POU6F2: variants seen among roughly 807,000 people sequenced by gnomAD.
The protein encoded by POU6F2 is POU domain, class 6, transcription factor 2.
In POU6F2, 31 loss-of-function variants were observed where a neutral mutation model predicts 71.3. The ratio of observed to expected loss-of-function variants is 0.43; its 90% CI spans 0.33 to 0.59. The LOEUF (loss-of-function observed/expected upper bound fraction) is 0.59, where lower values mean the gene tolerates loss of function less well. Among genes scored for constraint, POU6F2 ranks in the 20% least tolerant of loss-of-function variants. The pLI is 0.04. For missense variants in POU6F2, 783 were observed against 856.8 expected (o/e 0.91, Z 1.07); for synonymous variants, 347 against 355.7 (o/e 0.98, Z 0.27).
At chr7:39,347,813 G>C (rs887449446) in intron 5 of POU6F2, among the ~76,000 whole-genome samples, 1 of 141,880 alleles carries the variant, frequency 7.0e-6, no homozygotes, top group African/African-American at 2.5e-5. Context: ...TGTATTTTTT[G>C]TAGAGATGGG....
intron 1 of POU6F2, among the ~76,000 whole-genome samples, chr7:39,022,754 A>C (rs546202703): frequency 1.1e-4 from 16 of 152,002 alleles, no homozygotes; most frequent in African/African-American, 3.9e-4. Context: ...ATGTACATCC[A>C]TTCATCTCTT....
At chr7:39,350,663 T>A (rs979914463) in intron 5 of POU6F2, among the ~76,000 whole-genome samples, 1 of 152,212 alleles carries the variant, frequency 6.6e-6, no homozygotes, top group Non-Finnish European at 1.5e-5. Flanking sequence ...TTAAAGCCAT[T>A]TGACACATCT....
At chr7:39,335,135 C>G (rs556354016) in intron 4 of POU6F2, among the ~76,000 whole-genome samples, 15 of 152,312 alleles carry the variant, frequency 9.8e-5, no homozygotes, top group African/African-American at 3.6e-4. Context: ...TCAAGGTAAA[C>G]TAGTGGTATG....
At chr7:39,339,532 A>G (rs1785862012) in intron 4 of POU6F2, 110 bp from the exon 5 acceptor site, 3 of 1,402,520 alleles carry the variant, frequency 2.1e-6, no homozygotes, top group Non-Finnish European at 2.8e-6. Flanking sequence ...GGGCAAGGAC[A>G]AGAATTTTCT....
At chr7:39,206,648 G>A (rs1301897982) in intron 3 of POU6F2, among the ~76,000 whole-genome samples, 2 of 152,024 alleles carry the variant, frequency 1.3e-5, no homozygotes, top group South Asian at 2.1e-4. Context: ...TTTCTAAAGA[G>A]GTGTCATAAT....
At chr7:39,069,709 G>T (rs183469351) in intron 1 of POU6F2, among the ~76,000 whole-genome samples, 13 of 152,186 alleles carry the variant, frequency 8.5e-5, no homozygotes, top group Admixed American at 5.9e-4. Flanking sequence ...AAGTAAGCTA[G>T]AAAAGAAAAG....
At chr7:39,392,808 C>A (rs1374405398) in intron 5 of POU6F2, among the ~76,000 whole-genome samples, 2 of 152,224 alleles carry the variant, frequency 1.3e-5, no homozygotes, top group Non-Finnish European at 2.9e-5. Context: ...ATTTTACATT[C>A]TCTCCTGCAC....
intron 4 of POU6F2, among the ~76,000 whole-genome samples, chr7:39,247,592 T>C (rs4563790): frequency 0.68 from 102,908 of 152,104 alleles, 35,190 homozygotes; most frequent in East Asian, 0.97. Flanking sequence ...AGGATTCAAC[T>C]TGAGGACTCA....
chr7:39,372,390 A>G (rs1473298637), intron 5 of POU6F2, among the ~76,000 whole-genome samples: 2 of 152,234 alleles, frequency 1.3e-5, no homozygotes, highest in Admixed American at 6.5e-5. Context: ...TTCTCCAGAG[A>G]AAAAGGATCA....
intron 2 of POU6F2, among the ~76,000 whole-genome samples, chr7:39,089,145 G>A (rs965978518): frequency 3.3e-5 from 5 of 152,148 alleles, no homozygotes; most frequent in Non-Finnish European, 4.4e-5. Flanking sequence ...CAGTGGTAAC[G>A]TTTTGCTTAA....
intron 5 of POU6F2, among the ~76,000 whole-genome samples, chr7:39,375,254 A>G (rs1463027118): frequency 6.6e-6 from 1 of 152,212 alleles, no homozygotes; most frequent in African/African-American, 2.4e-5. Context: ...GAGCGAGACC[A>G]CAAGTGTATT....
intron 4 of POU6F2, among the ~76,000 whole-genome samples, chr7:39,322,155 T>C (rs1785410095): frequency 6.6e-6 from 1 of 152,202 alleles, no homozygotes; most frequent in African/African-American, 2.4e-5. Flanking sequence ...TCTGTGCTCA[T>C]CCATCCTATA....
At chr7:39,135,024 A>G (rs1003278534) in intron 2 of POU6F2, among the ~76,000 whole-genome samples, 4 of 120,748 alleles carry the variant, frequency 3.3e-5, no homozygotes, top group African/African-American at 1.1e-4. Flanking sequence ...TGAAATAAAA[A>G]TGAAGACGAG....
At chr7:39,448,067 A>T (rs1788565873) in intron 7 of POU6F2, among the ~76,000 whole-genome samples, 1 of 152,208 alleles carries the variant, frequency 6.6e-6, no homozygotes, top group Non-Finnish European at 1.5e-5. Flanking sequence ...AGATTAATAC[A>T]CCAAAAACAT....
rs537180623 is a variant in POU6F2, at chr7:38,981,437, C to T, written c.105+3379C>T. Among the ~76,000 whole-genome samples the T allele has an allele frequency of 2.6e-5, 4 of 152,292 alleles. No individual in the cohort carries two copies. In the East Asian group the frequency reaches 7.7e-4, roughly 29 times the overall value. On this transcript the variant is annotated intron_variant, in intron 1 of 9. Transcript: ENST00000518318. ...TTAGGCAGCCCACCATCCTGATGCA[C>T]AGGCCTGAGGGTCCCTGTTGGCTTC... is the stretch of plus-strand genomic sequence containing the variant.
At position 39,419,406 on chromosome 7, in the gene POU6F2, T is replaced by A. The variant is rs577188374; in HGVS notation, c.1113+12666T>A. ...GGCACGCACCATCACGGCCCACTAA[T>A]TTTCGTATTTTTTAATAGAGATGGA... On this transcript the variant is annotated intron_variant, in intron 6 of 9. Coordinates refer to ENST00000518318, the MANE Select transcript of POU6F2 (RefSeq NM_001370959.1). Among the ~76,000 whole-genome samples the A allele has an allele frequency of 1.4e-4, 21 of 151,788 alleles. No individual in the cohort carries two copies. In the East Asian group the frequency reaches 3.9e-3, roughly 28 times the overall value.
At chr7:39,189,208 G>A (rs1793606600) in intron 2 of POU6F2, among the ~76,000 whole-genome samples, 2 of 152,244 alleles carry the variant, frequency 1.3e-5, no homozygotes, top group African/African-American at 4.8e-5. Context: ...ACTCTGACCA[G>A]GATGGACCAT....
At chr7:39,390,852 G>GTT (rs113396553) in intron 5 of POU6F2, among the ~76,000 whole-genome samples, 14 of 147,764 alleles carry the variant, frequency 9.5e-5, no homozygotes, top group Admixed American at 6.7e-4. Flanking sequence ...TTGTTTTTTG[G>GTT]TTTTTTTTTT....
At chr7:38,981,773 G>A (rs1050090897) in intron 1 of POU6F2, among the ~76,000 whole-genome samples, 1 of 152,068 alleles carries the variant, frequency 6.6e-6, no homozygotes, top group Non-Finnish European at 1.5e-5. Flanking sequence ...AGTACATTTC[G>A]ACCATGTGAA....
Sources: gnomAD v4.1 joint callset for allele counts (sites outside exome capture counted in the v4.1 genomes callset) on GRCh38, gnomAD v4.1.1 for gene constraint, MANE v1.5 for transcripts, NCBI Gene and HGNC (gene_info 2026-07-23, HGNC 2026-07-21) for gene names.